Variants in TYK2 observed in about 807,000 individuals in gnomAD.
The protein encoded by TYK2 is tyrosine kinase 2.
A neutral mutation model predicts 130.9 loss-of-function variants in TYK2; 65 were observed. That is an observed-to-expected ratio of 0.50 (90% CI 0.41 to 0.61). TYK2 has a LOEUF of 0.61. Ranked by LOEUF, TYK2 falls within the 20% of genes least tolerant of loss-of-function variation. TYK2 has a pLI of 0.00. For missense variants in TYK2, 1,378 were observed against 1,610.7 expected, an observed-to-expected ratio of 0.86 and a Z score of 2.47; for synonymous variants, 647 against 658.9, an observed-to-expected ratio of 0.98 and a Z score of 0.28.
intron 3 of TYK2, among the ~76,000 whole-genome samples, chr19:10,371,077 T>C (rs1350980953): frequency 6.6e-6 from 1 of 151,980 alleles, no homozygotes; most frequent in African/African-American, 2.4e-5. Context: ...GCAATCCTCC[T>C]GCCTCAGCCT....
chr19:10,354,626 G>C lies in TYK2; in HGVS notation c.2618-17C>G. ...CAGCAAGATCTGGAAGAGTTGCGGT[G>C]GGTAAAGGCCTGACCCCGATCCTTT... On this transcript the variant is annotated splice_polypyrimidine_tract_variant and intron_variant, in intron 18 of 24. Transcript: ENST00000525621. 6.2e-7 allele frequency: 1 copy of C among 1,607,198 alleles called. No individual in the cohort carries two copies. Among genetic ancestry groups the C allele is most frequent in the Non-Finnish European group, 8.5e-7 (1 of 1,173,886 alleles).
At position 10,353,515 on chromosome 19, in the gene TYK2, G is replaced by T; in HGVS notation, c.3027+13C>A. 1.3e-6 allele frequency: 2 copies of T among 1,490,472 alleles called. No homozygotes were observed. Among genetic ancestry groups the T allele is most frequent in the East Asian group, 2.4e-5 (1 of 41,302 alleles). 92.3% of individuals were successfully genotyped at this position (1,490,472 alleles called of 1,614,324 possible). A position where few individuals can be genotyped will look rare whatever the true frequency, so the allele number is the denominator to read the frequency against. On this transcript the variant is annotated intron_variant, in intron 21 of 24. Coordinates refer to ENST00000525621, the MANE Select transcript of TYK2 (RefSeq NM_003331.5). The surrounding 1 kb of genome is among the most constrained non-coding windows in gnomAD (Gnocchi z 6.9). ...AGGGGCAAGCTCCAGAAGCAGGGGCGGGGCCGACCAACCTCGCAGATCTGC... is the reference window on the plus strand; with the variant it reads ...AGGGGCAAGCTCCAGAAGCAGGGGCTGGGCCGACCAACCTCGCAGATCTGC...
In TYK2 at chr19:10,364,524, C is replaced by T; in HGVS notation, c.1367+90G>A. 1 of 1,464,858 alleles carries T rather than the reference C, an allele frequency of 6.8e-7. No individual in the cohort carries two copies. Among genetic ancestry groups the T allele is most frequent in the Non-Finnish European group, 9.5e-7 (1 of 1,053,560 alleles). 90.7% of individuals were successfully genotyped at this position (1,464,858 alleles called of 1,614,324 possible). A position where few individuals can be genotyped will look rare whatever the true frequency, so the allele number is the denominator to read the frequency against. ...AAATAAAAAAAAAATAAGACGTGCA[C>T]CTACACACACACCCTGCACAGCCCC... On this transcript the variant is annotated intron_variant, in intron 9 of 24. Transcript: ENST00000525621. The surrounding 1 kb of genome is among the most constrained non-coding windows in gnomAD (Gnocchi z 4.9).
intron 17 of TYK2, chr19:10,357,334 A>T (rs1025891262): frequency 1.6e-6 from 1 of 608,666 alleles, no homozygotes; most frequent in Non-Finnish European, 2.9e-6. Flanking sequence ...GGTTGCAGTG[A>T]GCTGAGATCA....
Position 10,361,493 on chromosome 19 carries a change from A to G in TYK2, c.2047+18T>C. On this transcript the variant is annotated intron_variant, in intron 14 of 24. Transcript: ENST00000525621. The surrounding 1 kb of genome is among the most constrained non-coding windows in gnomAD (Gnocchi z 4.0). ...GGTGGCCTGCCAAAGGGGGATGGGT[A>G]TGGCGGGACCCACTCACTTTCAGGG... 1 of 1,545,106 alleles carries G rather than the reference A, an allele frequency of 6.5e-7. No individual in the cohort carries two copies. Among genetic ancestry groups the G allele is most frequent in the Non-Finnish European group, 8.7e-7 (1 of 1,146,656 alleles).
chr19:10,372,831 G>T (rs946210261), intron 3 of TYK2, among the ~76,000 whole-genome samples: 6 of 151,772 alleles, frequency 4.0e-5, no homozygotes, highest in Non-Finnish European at 8.8e-5. Flanking sequence ...TCACACCATG[G>T]AATTATACTG....
At chr19:10,374,048 C>T (rs1002230843) in intron 3 of TYK2, among the ~76,000 whole-genome samples, 5 of 151,696 alleles carry the variant, frequency 3.3e-5, no homozygotes, top group African/African-American at 1.2e-4. Flanking sequence ...GGGCGGATCA[C>T]GAGGTCAGGA....
chr19:10,353,318 T>G lies in TYK2; in HGVS notation c.3027+210A>C. On this transcript the variant is annotated intron_variant, in intron 21 of 24. Coordinates refer to ENST00000525621, the MANE Select transcript of TYK2 (RefSeq NM_003331.5). This position sits in a 1 kb window ranked among gnomAD's most constrained non-coding sequence, Gnocchi z 6.9. ...AGCAAAGCTGGGCAGGAGGGCGAGT[T>G]GGGAGGGGCCGAGCCGGCTGTGCGT... 1.8e-6 allele frequency: 1 copy of G among 564,682 alleles called. No individual in the cohort carries two copies. The allele number at this position is 564,682 out of a possible 1,614,324, so 35.0% of individuals were successfully genotyped here.
chr19:10,359,463 G>A (rs1198386654), intron 14 of TYK2, among the ~76,000 whole-genome samples, 161 bp from the exon 15 acceptor site: 3 of 152,208 alleles, frequency 2.0e-5, no homozygotes, highest in Non-Finnish European at 4.4e-5. Flanking sequence ...AGTTTGGGGA[G>A]AGAAGAAATG....
chr19:10,352,606 C>T, intron 22 of TYK2, 55 bp from the exon 23 acceptor site: 1 of 913,326 alleles, frequency 1.1e-6, no homozygotes, highest in East Asian at 2.5e-5. Context: ...GCTTGGGGAT[C>T]AGACCAGGCT....
chr19:10,375,937 AAAAG>A (rs1292900284), intron 3 of TYK2, among the ~76,000 whole-genome samples: 1 of 151,938 alleles, frequency 6.6e-6, no homozygotes, highest in Non-Finnish European at 1.5e-5. Flanking sequence ...AAAAAAGAAA[AAAAG>A]AAAGACTGTA....
At position 10,366,573 on chromosome 19, in the gene TYK2, T is replaced by C. The variant is rs770297599; in HGVS notation, c.473A>G (p.His158Arg). Residue 158 changes from histidine to arginine, a missense_variant, in exon 6 of 25, where the codon CAT becomes CGT. His to Arg is a conservative substitution (Grantham distance 29, BLOSUM62 0). Transcript: ENST00000525621. ...TGATGCCACGTCATTCACAAACTCA[T>C]GCTTGCCCTGGGAACAGGAAATTGA... is the stretch of plus-strand genomic sequence containing the variant. ...SFEYLFEQGKHEFVNDVASLW... is the reference protein window; with the variant it reads ...SFEYLFEQGKREFVNDVASLW... The C allele has an allele frequency of 6.2e-7, 1 of 1,613,978 alleles. No homozygotes were observed. Among genetic ancestry groups the C allele is most frequent in the Admixed American group, 1.7e-5 (1 of 59,978 alleles).
chr19:10,372,458 C>CCA (rs2041946165), intron 3 of TYK2, among the ~76,000 whole-genome samples: 1 of 45,988 alleles, frequency 2.2e-5, no homozygotes, highest in Non-Finnish European at 3.4e-5. Context: ...CCACACACAG[C>CCA]TATATATATA....
At chr19:10,379,019 G>A (rs535048317) in intron 2 of TYK2, among the ~76,000 whole-genome samples, 153 of 152,070 alleles carry the variant, frequency 1.0e-3, no homozygotes, top group Middle Eastern at 3.4e-3. Context: ...CCACCACACC[G>A]GGCTAATTTT....
intron 5 of TYK2, among the ~76,000 whole-genome samples, chr19:10,367,826 A>G (rs1172366464): frequency 1.3e-5 from 2 of 150,610 alleles, no homozygotes; most frequent in African/African-American, 4.9e-5. Flanking sequence ...AGGCTGAGGC[A>G]GGAAAATGAC....
chr19:10,363,519 A>C (rs2041510730), intron 9 of TYK2, among the ~76,000 whole-genome samples: 1 of 152,086 alleles, frequency 6.6e-6, no homozygotes, highest in Non-Finnish European at 1.5e-5. Context: ...GGGCCCTGAC[A>C]AGGTGACACA....
chr19:10,378,148 G>A, intron 3 of TYK2, 66 bp downstream of exon 3: 3 of 1,549,808 alleles, frequency 1.9e-6, no homozygotes, highest in Non-Finnish European at 1.8e-6. Context: ...ATAGACGGAT[G>A]GATGGGGCCC....
chr19:10,372,555 T>C (rs1406577259), intron 3 of TYK2, among the ~76,000 whole-genome samples: 1 of 138,408 alleles, frequency 7.2e-6, no homozygotes, highest in Non-Finnish European at 1.5e-5. Flanking sequence ...AGTGGCATGA[T>C]CACTGTAGCT....
chr19:10,361,132 T>G lies in TYK2; in HGVS notation c.2047+379A>C, dbSNP rs2041380733. The stretch of plus-strand genomic sequence containing the variant: ...GGTTGGATGTGCAGGGGCTGAGGCC[T>G]AGGAGAATCAGCACACATCAGCACT... On this transcript the variant is annotated intron_variant, in intron 14 of 24. Coordinates refer to ENST00000525621, the MANE Select transcript of TYK2 (RefSeq NM_003331.5). This position sits in a 1 kb window ranked among gnomAD's most constrained non-coding sequence, Gnocchi z 4.0. 4.0e-6 allele frequency: 2 copies of G among 495,130 alleles called. No individual in the cohort carries two copies. Among genetic ancestry groups the G allele is most frequent in the African/African-American group, 3.9e-5 (2 of 51,714 alleles). 30.7% of individuals were successfully genotyped at this position (495,130 alleles called of 1,614,324 possible). A position where few individuals can be genotyped will look rare whatever the true frequency, so the allele number is the denominator to read the frequency against.
Sources: allele counts gnomAD v4.1 joint callset (sites outside exome capture counted in the v4.1 genomes callset), GRCh38; gene constraint gnomAD v4.1.1; non-coding constraint Gnocchi (gnomAD v3.1); transcripts MANE v1.5; gene names NCBI Gene and HGNC (gene_info 2026-07-23, HGNC 2026-07-21).